Variants in SBNO2 observed in about 807,000 individuals in gnomAD.
SBNO2 encodes the protein protein strawberry notch homolog 2.
A neutral mutation model predicts 146.3 loss-of-function variants in SBNO2; 89 were observed. The observed-to-expected ratio is 0.61, with a 90% CI of 0.51 to 0.73. The LOEUF (loss-of-function observed/expected upper bound fraction) is 0.73. Ranked by LOEUF, SBNO2 falls within the 30% of genes least tolerant of loss-of-function variation. The pLI, the probability that SBNO2 is intolerant of heterozygous loss-of-function variation, is 0.00. For missense variants in SBNO2, 2,092 were observed against 2,003.7 expected, an observed-to-expected ratio of 1.04 and a Z score of -0.84; for synonymous variants, 1,147 against 892.6, an observed-to-expected ratio of 1.29 and a Z score of -5.08.
At chr19:1,172,916 G>A (rs1330400172) in intron 1 of SBNO2, among the ~76,000 whole-genome samples, 1 of 151,702 alleles carries the variant, frequency 6.6e-6, no homozygotes, top group East Asian at 1.9e-4. Flanking sequence ...CAGGAAGGAC[G>A]TTCTGAGCAG....
chr19:1,108,296 G>A lies in SBNO2; in HGVS notation c.4025C>T (p.Ala1342Val), dbSNP rs756035925. 2.4e-5 allele frequency: 36 copies of A among 1,492,050 alleles called. 1 individual carries two copies. The highest frequency in any genetic ancestry group is 1.1e-4 in the South Asian group (9 of 81,230). The allele number at this position is 1,492,050 out of a possible 1,614,324, so 92.4% of individuals were successfully genotyped here. A position where few individuals can be genotyped will look rare whatever the true frequency, so the allele number is the denominator to read the frequency against. ...CTGCCGCTCGGGACCACCGCCCGCC[G>A]CGCCCCCCGCCCCCGCGCCCTCCCC... ...ALGEGAGAGG[A>V]AGGGPERQSV... Residue 1342 changes from alanine to valine, a missense_variant, in exon 32 of 32, where the codon GCG (alanine) becomes GTG (valine). By Grantham distance (64) the Ala-to-Val change is moderately conservative. Transcript: ENST00000361757.
chr19:1,111,473 C>T, intron 24 of SBNO2, 33 bp downstream of exon 24: 2 of 1,453,098 alleles, frequency 1.4e-6, no homozygotes, highest in South Asian at 1.2e-5. Context: ...AACCCCTGCC[C>T]CTCCCAGGAA....
At chr19:1,165,453 T>C (rs958684377) in intron 1 of SBNO2, among the ~76,000 whole-genome samples, 3 of 151,906 alleles carry the variant, frequency 2.0e-5, no homozygotes, top group Non-Finnish European at 4.4e-5. Flanking sequence ...AGGCCCAGAG[T>C]CAGAGCCAAG....
At chr19:1,134,919 A>G (rs549033635) in intron 4 of SBNO2, among the ~76,000 whole-genome samples, 1 of 151,814 alleles carries the variant, frequency 6.6e-6, no homozygotes, top group African/African-American at 2.4e-5. Flanking sequence ...GGTGGTGGGT[A>G]CCTGCAATCC....
In SBNO2 at chr19:1,109,292, C is replaced by G. The variant is rs1204364437; in HGVS notation, c.3348G>C (p.Arg1116=). ...AAAGCTGCGCCCGGCGGCCGCCTAC[C>G]CGGTGGAACTTGCGGCGGAGGCTGT... ...ALDSLRRKFH[R]VTAEEAKEPW... Residue 1116 remains arginine, a splice_region_variant and synonymous_variant, in exon 29 of 32, where the codon CGG becomes CGC. Transcript: ENST00000361757. The surrounding 1 kb of genome is among the most constrained non-coding windows in gnomAD (Gnocchi z 4.2). The G allele has an allele frequency of 6.3e-7, 1 of 1,593,562 alleles. No individual in the cohort carries two copies.
intron 1 of SBNO2, among the ~76,000 whole-genome samples, chr19:1,172,691 T>A (rs1323776600): frequency 1.3e-5 from 2 of 150,934 alleles, no homozygotes; most frequent in Non-Finnish European, 2.9e-5. Context: ...GCCCACGGGG[T>A]CTGCGGCCCT....
At chr19:1,117,585 C>T (rs2079848975) in intron 14 of SBNO2, 86 bp from the exon 15 acceptor site, 6 of 1,379,984 alleles carry the variant, frequency 4.3e-6, no homozygotes, top group South Asian at 1.4e-5. Context: ...CAGCCCTGGG[C>T]AAGGCATCCC....
chr19:1,109,866 G>C lies in SBNO2; in HGVS notation c.3029-89C>G, dbSNP rs1040426684. ...AGTCCCGTAGCCGGGGCGCACCCTA[G>C]AGACGACCCCCCGAGAGCACAGGAG... On this transcript the variant is annotated intron_variant, in intron 26 of 31. Transcript: ENST00000361757. This position sits in a 1 kb window ranked among gnomAD's most constrained non-coding sequence, Gnocchi z 4.2. 3.2e-6 allele frequency: 3 copies of C among 946,726 alleles called. No individual in the cohort carries two copies. Among genetic ancestry groups the C allele is most frequent in the African/African-American group, 1.7e-5 (1 of 60,360 alleles). The allele number at this position is 946,726 out of a possible 1,614,324, so 58.6% of individuals were successfully genotyped here.
In SBNO2 at chr19:1,147,428, G is replaced by C; in HGVS notation, c.168-8C>G. The C allele has an allele frequency of 9.3e-7, 1 of 1,071,536 alleles. No individual in the cohort carries two copies. Among genetic ancestry groups the C allele is most frequent in the Non-Finnish European group, 1.3e-6 (1 of 780,228 alleles). 66.4% of individuals were successfully genotyped at this position (1,071,536 alleles called of 1,614,324 possible). On this transcript the variant is annotated splice_region_variant and splice_polypyrimidine_tract_variant and intron_variant, in intron 3 of 31. Transcript: ENST00000361757. Reference sequence around the variant, plus strand: ...GCGGAGCTCATGAACGGGCTGGAGGGAGATGGGGGGGGGGGAGGTGAGATG... The same window carrying C: ...GCGGAGCTCATGAACGGGCTGGAGGCAGATGGGGGGGGGGGAGGTGAGATG...
intron 1 of SBNO2, among the ~76,000 whole-genome samples, chr19:1,172,654 T>C (rs1447980164): frequency 6.6e-6 from 1 of 152,170 alleles, no homozygotes; most frequent in African/African-American, 2.4e-5. Flanking sequence ...GTTTGAAGCC[T>C]GTAATCCCCG....
chr19:1,150,558 G>A lies in SBNO2; in HGVS notation c.94-1116C>T, dbSNP rs926347530. 2.6e-5 allele frequency among the ~76,000 whole-genome samples: 4 copies of A among 151,856 alleles called. No homozygotes were observed. Among genetic ancestry groups the A allele is most frequent in the African/African-American group, 9.7e-5 (4 of 41,324 alleles). ...CGGGGGAGACCCTGCCGTCACGGAC[G>A]CCCCCGTGGTCATGGGGGAGACACC... On this transcript the variant is annotated intron_variant, in intron 2 of 31. Coordinates refer to ENST00000361757, the MANE Select transcript of SBNO2 (RefSeq NM_014963.3). The surrounding 1 kb of genome is among the most constrained non-coding windows in gnomAD (Gnocchi z 6.2).
chr19:1,132,701 G>C (rs2080044841), intron 4 of SBNO2, among the ~76,000 whole-genome samples: 1 of 152,172 alleles, frequency 6.6e-6, no homozygotes, highest in South Asian at 2.1e-4. Flanking sequence ...TGCAGGCTGA[G>C]GTCCCCGAGA....
In SBNO2 at chr19:1,108,132, G is replaced by T; in HGVS notation, c.*88C>A. On this transcript the variant is annotated 3_prime_UTR_variant, in exon 32 of 32. Transcript: ENST00000361757. Reference sequence around the variant, plus strand: ...GGGCCTAGGGCTCCTCTGAGCAGTGGTCAGGGGACCTTGGCCCTGCTCCCC... The same window carrying T: ...GGGCCTAGGGCTCCTCTGAGCAGTGTTCAGGGGACCTTGGCCCTGCTCCCC... The T allele has an allele frequency of 7.4e-7, 1 of 1,350,334 alleles. No homozygotes were observed. The highest frequency in any genetic ancestry group is 9.8e-7 in the Non-Finnish European group (1 of 1,023,772). 83.6% of individuals were successfully genotyped at this position (1,350,334 alleles called of 1,614,324 possible). A position where few individuals can be genotyped will look rare whatever the true frequency, so the allele number is the denominator to read the frequency against.
Position 1,119,660 on chromosome 19 carries a change from G to A in SBNO2, c.1268-39C>T, listed in dbSNP as rs570060435. The stretch of plus-strand genomic sequence containing the variant: ...CTGCCGTCAGCTCCCCAACCCGGGA[G>A]GGCCCAGAGGCCGCGTCAGGGGACG... On this transcript the variant is annotated intron_variant, in intron 12 of 31. Coordinates refer to ENST00000361757, the MANE Select transcript of SBNO2 (RefSeq NM_014963.3). 2.6e-6 allele frequency: 4 copies of A among 1,537,348 alleles called. No homozygotes were observed. The South Asian group carries it at 3.5e-5, about 13-fold the overall frequency.
intron 4 of SBNO2, among the ~76,000 whole-genome samples, chr19:1,141,615 G>A (rs1198652265): frequency 1.3e-5 from 2 of 151,874 alleles, no homozygotes; most frequent in Non-Finnish European, 2.9e-5. Context: ...GCCCCTCCAC[G>A]CGTCCATCAC....
rs1013649808 is a variant in SBNO2, at chr19:1,136,182, G to T, written c.280-8417C>A. Among the ~76,000 whole-genome samples the T allele has an allele frequency of 2.6e-5, 4 of 152,106 alleles. No homozygotes were observed. Among genetic ancestry groups the T allele is most frequent in the African/African-American group, 9.7e-5 (4 of 41,428 alleles). On this transcript the variant is annotated intron_variant, in intron 4 of 31. Transcript: ENST00000361757. The surrounding 1 kb of genome is among the most constrained non-coding windows in gnomAD (Gnocchi z 4.2). The stretch of plus-strand genomic sequence containing the variant: ...GGATCCCCCAGATGCTGGAGGGGCC[G>T]GAAGGAGCGCGGCCCTGTCCGCACC...
intron 4 of SBNO2, among the ~76,000 whole-genome samples, chr19:1,135,530 C>A (rs180785667): frequency 3.3e-5 from 5 of 152,210 alleles, no homozygotes; most frequent in Admixed American, 2.6e-4. Context: ...GATAGGGGTG[C>A]GCCGCCTAGG....
chr19:1,132,143 C>A (rs769281345), intron 4 of SBNO2: 6 of 1,496,528 alleles, frequency 4.0e-6, no homozygotes, highest in South Asian at 2.6e-5. Context: ...ATGGTCCCGG[C>A]GCTCGGGGGG....
In SBNO2 at chr19:1,149,405, GAGA is replaced by G. The variant is rs770074633; in HGVS notation, c.128_130del (p.Phe43del). The G allele has an allele frequency of 1.3e-6, 2 of 1,552,370 alleles. No homozygotes were observed. Among genetic ancestry groups the G allele is most frequent in the Middle Eastern group, 1.7e-4 (1 of 5,990 alleles). On this transcript the variant is annotated inframe_deletion, in exon 3 of 32. Transcript: ENST00000361757. ...GGAGAAGGCAGGGTATGGCGGCAGC[GAGA>G]AGGTGTTCCAGTAGGGGCAGTGCAG...
Sources: gnomAD v4.1 joint callset for allele counts (sites outside exome capture counted in the v4.1 genomes callset) on GRCh38, gnomAD v4.1.1 for gene constraint, Gnocchi (gnomAD v3.1) non-coding constraint, MANE v1.5 for transcripts, NCBI Gene and HGNC (gene_info 2026-07-23, HGNC 2026-07-21) for gene names.